HDAC9: variants seen among roughly 807,000 people sequenced by gnomAD.
HDAC9 encodes the protein MEF-2 interacting transcription repressor (MITR) protein.
HDAC9 carries 41 observed loss-of-function variants against 139.4 expected under a neutral mutation model. The ratio of observed to expected loss-of-function variants is 0.29; its 90% CI spans 0.23 to 0.38. HDAC9 has a LOEUF of 0.38. Among genes scored for constraint, HDAC9 ranks in the 10% least tolerant of loss-of-function variants. The pLI, the probability that HDAC9 is intolerant of heterozygous loss-of-function variation, is 1.00. For missense variants in HDAC9, 1,147 were observed against 1,297.0 expected (o/e 0.88, Z 1.78); for synonymous variants, 517 against 476.2 (o/e 1.09, Z -1.12).
At chr7:18,359,321 C>T (rs541820336) in intron 1 of HDAC9, among the ~76,000 whole-genome samples, 2 of 152,064 alleles carry the variant, frequency 1.3e-5, no homozygotes, top group Admixed American at 6.5e-5. Context: ...GCACTCCAGC[C>T]CGGGCAACGG....
chr7:18,175,206 A>G (rs992521313), intron 2 of HDAC9, among the ~76,000 whole-genome samples: 5 of 152,076 alleles, frequency 3.3e-5, no homozygotes, highest in African/African-American at 1.2e-4. Flanking sequence ...TTGCAGGTCC[A>G]TCTCAGATTG....
At position 18,999,272 on chromosome 7, in the gene HDAC9, C is replaced by T. The variant is rs1011571158; in HGVS notation, c.*3210C>T. Reference sequence around the variant, plus strand: ...ATGGCCTTGAAAGCAGGGATCTCCTCCCACAAAGGCTTCAGAAATTACAGG... The same window carrying T: ...ATGGCCTTGAAAGCAGGGATCTCCTTCCACAAAGGCTTCAGAAATTACAGG... On this transcript the variant is annotated 3_prime_UTR_variant, in exon 26 of 26. Coordinates refer to ENST00000686413, the MANE Select transcript of HDAC9 (RefSeq NM_178425.4). 7 of 152,170 alleles carry T rather than the reference C, an allele frequency of 4.6e-5. No individual in the cohort carries two copies. Among genetic ancestry groups the T allele is most frequent in the Non-Finnish European group, 1.0e-4 (7 of 68,032 alleles). 9.4% of individuals were successfully genotyped at this position (152,170 alleles called of 1,614,324 possible). A position where few individuals can be genotyped will look rare whatever the true frequency, so the allele number is the denominator to read the frequency against.
chr7:18,750,755 A>C (rs535443311), intron 14 of HDAC9, among the ~76,000 whole-genome samples: 2 of 152,268 alleles, frequency 1.3e-5, no homozygotes, highest in African/African-American at 4.8e-5. Flanking sequence ...CAGCAAGGAG[A>C]ATTATTTGTG....
At chr7:18,891,133 T>C (rs949139608) in intron 22 of HDAC9, among the ~76,000 whole-genome samples, 70 of 152,222 alleles carry the variant, frequency 4.6e-4, no homozygotes, top group African/African-American at 1.5e-3. Flanking sequence ...TAAACAGTTT[T>C]CTCAGATGTT....
chr7:18,568,252 A>T (rs1823121175), intron 2 of HDAC9, among the ~76,000 whole-genome samples: 1 of 152,164 alleles, frequency 6.6e-6, no homozygotes, highest in Admixed American at 6.5e-5. Context: ...ATGGAATATT[A>T]TACAGGATCT....
intron 2 of HDAC9, among the ~76,000 whole-genome samples, chr7:18,504,722 A>G (rs1331411375): frequency 6.6e-6 from 1 of 152,158 alleles, no homozygotes; most frequent in Non-Finnish European, 1.5e-5. Flanking sequence ...GTATCACTTG[A>G]TCATTTAATC....
At chr7:18,182,893 C>G (rs1178338) in intron 2 of HDAC9, among the ~76,000 whole-genome samples, 58 of 152,236 alleles carry the variant, frequency 3.8e-4, no homozygotes, top group African/African-American at 1.3e-3. Context: ...GCAAGCATCA[C>G]CTTATCAATT....
chr7:18,123,878 C>G (rs938589699), intron 1 of HDAC9, among the ~76,000 whole-genome samples: 1 of 152,092 alleles, frequency 6.6e-6, no homozygotes, highest in African/African-American at 2.4e-5. Context: ...GTTCTATAAA[C>G]CTTTATAACC....
intron 23 of HDAC9, among the ~76,000 whole-genome samples, chr7:18,942,547 G>T (rs1782095550): frequency 6.6e-6 from 1 of 151,972 alleles, no homozygotes; most frequent in South Asian, 2.1e-4. Flanking sequence ...ACAGCATTTT[G>T]TTTGTTTGTT....
intron 22 of HDAC9, among the ~76,000 whole-genome samples, chr7:18,900,995 G>T (rs934834584): frequency 1.3e-5 from 2 of 151,914 alleles, no homozygotes; most frequent in African/African-American, 4.8e-5. Flanking sequence ...TGAAGTTTGG[G>T]ACTATGTTAG....
chr7:18,455,675 C>G (rs973518057), intron 1 of HDAC9, among the ~76,000 whole-genome samples: 1 of 152,110 alleles, frequency 6.6e-6, no homozygotes, highest in Admixed American at 6.6e-5. Flanking sequence ...GGGGATGTAG[C>G]CAACCATCTA....
Position 18,874,501 on chromosome 7 carries a change from A to G in HDAC9, c.2708A>G (p.Lys903Arg), listed in dbSNP as rs1294930722. 1 of 1,590,004 alleles carries G rather than the reference A, an allele frequency of 6.3e-7. No homozygotes were observed. The highest frequency in any genetic ancestry group is 8.6e-7 in the Non-Finnish European group (1 of 1,167,078). Residue 903 changes from lysine (K) to arginine (R), a missense_variant, in exon 22 of 26, where the codon AAA becomes AGA. Lys to Arg is a conservative substitution (Grantham distance 26, BLOSUM62 2). Around this residue, in one of 7 missense-constraint regions of HDAC9, gnomAD observed 407 missense variants for 521.5 expected, o/e 0.78. Transcript: ENST00000686413. ...AFRTIVKPVA[K>R]EFDPDMVLVS... Reference sequence around the variant, plus strand: ...AGGACCATCGTGAAGCCTGTGGCCAAAGAGTTTGATCCAGACATGGTCTTA... The same window carrying G: ...AGGACCATCGTGAAGCCTGTGGCCAGAGAGTTTGATCCAGACATGGTCTTA...
intron 12 of HDAC9, among the ~76,000 whole-genome samples, chr7:18,696,531 G>A (rs1390721796): frequency 6.6e-6 from 1 of 150,556 alleles, no homozygotes; most frequent in Non-Finnish European, 1.5e-5. Flanking sequence ...GCAGTGGCGC[G>A]ATCTTGGCTC....
Position 18,188,719 on chromosome 7 carries a change from A to G in HDAC9, c.25+26370A>G, listed in dbSNP as rs183590701. ...ACGCTTCTCAAAAGAAGACGTTTAC[A>G]TAGCCAGCGAACATGTGAAAAAATC... On this transcript the variant is annotated intron_variant, in intron 2 of 12. Transcript: ENST00000417496. Among the ~76,000 whole-genome samples the G allele has an allele frequency of 2.6e-5, 4 of 152,334 alleles. No individual in the cohort carries two copies. The East Asian group carries it at 5.8e-4, about 22-fold the overall frequency.
intron 11 of HDAC9, among the ~76,000 whole-genome samples, chr7:18,660,540 G>A (rs1792784972): frequency 6.6e-6 from 1 of 152,112 alleles, no homozygotes; most frequent in South Asian, 2.1e-4. Flanking sequence ...GATATAAAAT[G>A]ATGAAAAACA....
chr7:18,666,591 G>C, intron 12 of HDAC9, 115 bp downstream of exon 12: 1 of 1,493,952 alleles, frequency 6.7e-7, no homozygotes, highest in Non-Finnish European at 8.9e-7. Context: ...ATTTCTCTAT[G>C]ATTTGAGTTC....
intron 1 of HDAC9, among the ~76,000 whole-genome samples, chr7:18,294,707 G>A (rs1056199541): frequency 2.6e-5 from 4 of 152,080 alleles, no homozygotes; most frequent in African/African-American, 9.7e-5. Context: ...GTTTACACGG[G>A]GAGTTGCATG....
chr7:18,274,260 T>A (rs897913813), intron 2 of HDAC9, among the ~76,000 whole-genome samples: 2 of 152,184 alleles, frequency 1.3e-5, no homozygotes, highest in African/African-American at 4.8e-5. Flanking sequence ...TTTATTTGGC[T>A]CTCAATTCAA....
chr7:18,104,619 ACTACT>A (rs1266803417), intron 1 of HDAC9, among the ~76,000 whole-genome samples: 1 of 152,078 alleles, frequency 6.6e-6, no homozygotes. Flanking sequence ...CACACTGTTT[ACTACT>A]CCCCCTTTTG....
Sources: allele counts gnomAD v4.1 joint callset (sites outside exome capture counted in the v4.1 genomes callset), GRCh38; gene constraint gnomAD v4.1.1; regional missense constraint gnomAD v4.1.1; transcripts MANE v1.5; gene names NCBI Gene and HGNC (gene_info 2026-07-23, HGNC 2026-07-21).